Variants in TRPM2 observed in about 807,000 individuals in gnomAD.
TRPM2 encodes the protein estrogen-responsive element-associated gene 1 protein.
Under a neutral mutation model 174.0 loss-of-function variants are expected in TRPM2, and 161 were observed. The observed-to-expected ratio is 0.93, with a 90% CI of 0.81 to 1.05. TRPM2 has a LOEUF of 1.05. Ranked by LOEUF, TRPM2 falls within the 50% of genes least tolerant of loss-of-function variation. The probability of loss-of-function intolerance (pLI) is 0.00; values close to 1 mark genes in which losing one functional copy is unlikely to be tolerated. For synonymous variants in TRPM2, 954 were observed against 861.3 expected, an observed-to-expected ratio of 1.11 and a Z score of -1.88; for missense variants, 2,057 against 2,038.0, an observed-to-expected ratio of 1.01 and a Z score of -0.18.
At position 44,354,693 on chromosome 21, in the gene TRPM2, G is replaced by T. The variant is rs770494214; in HGVS notation, c.211G>T (p.Glu71Ter). 3.7e-6 allele frequency: 6 copies of T among 1,614,204 alleles called. No individual in the cohort carries two copies. In the East Asian group the frequency reaches 1.3e-4, roughly 36 times the overall value. ...GATTCCTGAAAACATCAAGAAGAAA[G>T]AATGCGTGTATTTTGTGGAAAGTTC... is the stretch of plus-strand genomic sequence containing the variant. Reference protein sequence around the residue: ...SWIPENIKKKECVYFVESSKL... With the variant: ...SWIPENIKKK Residue 71 changes from glutamate (E) to a stop codon, truncating the protein, a stop_gained, in exon 2 of 32, where the codon GAA becomes TAA. Coordinates refer to ENST00000397928, the MANE Select transcript of TRPM2 (RefSeq NM_003307.4). LOFTEE classifies it high-confidence loss of function. The surrounding 1 kb of genome is among the most constrained non-coding windows in gnomAD (Gnocchi z 4.3).
chr21:44,377,907 A>C, intron 7 of TRPM2, 134 bp downstream of exon 7: 1 of 1,057,104 alleles, frequency 9.5e-7, no homozygotes. Flanking sequence ...GAAGAAGAGA[A>C]AGAGCATCTA....
At chr21:44,431,195 C>T (rs2051009162) in intron 27 of TRPM2, among the ~76,000 whole-genome samples, 2 of 151,944 alleles carry the variant, frequency 1.3e-5, no homozygotes, top group Admixed American at 6.5e-5. Context: ...TGTAAATTCT[C>T]TCTAAGACCT....
chr21:44,418,392 G>C (rs1484841851), intron 21 of TRPM2, 31 bp from the exon 22 acceptor site: 1 of 1,608,462 alleles, frequency 6.2e-7, no homozygotes, highest in South Asian at 1.1e-5. Context: ...GAGGATTCCA[G>C]GTCCCCTGGT....
intron 27 of TRPM2, among the ~76,000 whole-genome samples, chr21:44,431,623 G>A (rs968683975): frequency 1.3e-5 from 2 of 152,034 alleles, no homozygotes; most frequent in Admixed American, 6.6e-5. Context: ...TTACAGGCAC[G>A]CACCACCATG....
intron 8 of TRPM2, among the ~76,000 whole-genome samples, chr21:44,380,492 A>G (rs2048847680): frequency 6.6e-6 from 1 of 152,182 alleles, no homozygotes; most frequent in African/African-American, 2.4e-5. Flanking sequence ...TGTTGTTGAA[A>G]GGTGCCTATT....
intron 2 of TRPM2, among the ~76,000 whole-genome samples, chr21:44,357,328 G>T (rs1385697121): frequency 3.3e-5 from 5 of 152,192 alleles, no homozygotes; most frequent in African/African-American, 1.2e-4. Context: ...GAGAGGAAGG[G>T]GTGCTGACCT....
intron 7 of TRPM2, 92 bp downstream of exon 7, chr21:44,377,865 T>C: frequency 7.0e-7 from 1 of 1,429,512 alleles, no homozygotes; most frequent in South Asian, 1.2e-5. Context: ...AACTCAAGAC[T>C]GTTGGCAAGA....
In TRPM2 at chr21:44,405,890, C is replaced by T; in HGVS notation, c.2658-15C>T. The T allele has an allele frequency of 1.3e-6, 2 of 1,598,078 alleles. No individual in the cohort carries two copies. Among genetic ancestry groups the T allele is most frequent in the Non-Finnish European group, 1.7e-6 (2 of 1,178,242 alleles). ...GCAGGTGGCTGAGATGTGTGTGCTT[C>T]TGCCCGGCGGCCAGGCTCATCCCGG... On this transcript the variant is annotated splice_polypyrimidine_tract_variant and intron_variant, in intron 17 of 31. Coordinates refer to ENST00000397928, the MANE Select transcript of TRPM2 (RefSeq NM_003307.4).
intron 19 of TRPM2, among the ~76,000 whole-genome samples, chr21:44,408,815 G>C (rs989098702): frequency 2.6e-5 from 4 of 151,770 alleles, no homozygotes; most frequent in African/African-American, 9.7e-5. Flanking sequence ...ACGCCACCAC[G>C]CCTGGCTAAT....
chr21:44,352,472 G>A (rs2123001688), upstream of TRPM2, among the ~76,000 whole-genome samples: 8 of 152,240 alleles, frequency 5.3e-5, no homozygotes, highest in South Asian at 2.1e-4. Context: ...ATGAGGGGAC[G>A]GCAGAGCAAA....
At position 44,418,546 on chromosome 21, in the gene TRPM2, T is replaced by C; in HGVS notation, c.3452T>C (p.Ile1151Thr). 6.2e-7 allele frequency: 1 copy of C among 1,613,946 alleles called. No individual in the cohort carries two copies. The highest frequency in any genetic ancestry group is 8.5e-7 in the Non-Finnish European group (1 of 1,179,968). ...KQRPEQKIED[I>T]SNKVDAMVDL... ...CGGCCCGAGCAGAAGATCGAGGACA[T>C]CAGCAATAAGTATGGGGGCTCCGGT... The change falls in exon 22 of 32, where the codon ATC becomes ACC. Residue 1151 changes from isoleucine (I) to threonine (T), a missense_variant. Transcript: ENST00000397928.
chr21:44,397,528 C>T (rs2049467237), intron 12 of TRPM2, among the ~76,000 whole-genome samples: 1 of 152,146 alleles, frequency 6.6e-6, no homozygotes, highest in Admixed American at 6.5e-5. Context: ...AAGCAGACCC[C>T]TCCCACAGGC....
chr21:44,415,666 C>T (rs1217708162), intron 20 of TRPM2: 1 of 152,182 alleles, frequency 6.6e-6, no homozygotes, highest in Non-Finnish European at 1.5e-5. Context: ...GCTGTTTCTT[C>T]TCTTTGAAAA....
intron 7 of TRPM2, 140 bp downstream of exon 7, chr21:44,377,913 A>AGCCCCGACACAGCGTAGATGC: frequency 9.8e-7 from 1 of 1,021,000 alleles, no homozygotes; most frequent in Non-Finnish European, 1.4e-6. Context: ...GAGAAAGAGC[A>AGCCCCGACACAGCGTAGATGC]TCTACGCTGT....
At chr21:44,385,018 T>C (rs552017688) in intron 9 of TRPM2, among the ~76,000 whole-genome samples, 10 of 152,202 alleles carry the variant, frequency 6.6e-5, no homozygotes, top group African/African-American at 2.4e-4. Flanking sequence ...ATTATGAACA[T>C]TGATACGAAA....
intron 7 of TRPM2, among the ~76,000 whole-genome samples, chr21:44,378,069 T>G (rs2048760323): frequency 6.6e-6 from 1 of 152,116 alleles, no homozygotes; most frequent in South Asian, 2.1e-4. Context: ...GCGCCTCTGC[T>G]CCCAGGACCT....
At chr21:44,440,956 T>C (rs756100342) in intron 31 of TRPM2, 51 bp downstream of exon 31, 1 of 1,531,366 alleles carries the variant, frequency 6.5e-7, no homozygotes. Context: ...GGGACGGGTA[T>C]GGGCGTGGCC....
intron 16 of TRPM2, among the ~76,000 whole-genome samples, chr21:44,403,508 A>G (rs2049704485): frequency 6.6e-6 from 1 of 151,524 alleles, no homozygotes; most frequent in Non-Finnish European, 1.5e-5. Flanking sequence ...ACATGCACAC[A>G]CATGTACACA....
At chr21:44,428,881 A>G (rs2050928779) in intron 27 of TRPM2, among the ~76,000 whole-genome samples, 1 of 152,192 alleles carries the variant, frequency 6.6e-6, no homozygotes. Flanking sequence ...AAAGCTCTGT[A>G]TGCCTCTGTC....
Sources: allele counts gnomAD v4.1 joint callset (sites outside exome capture counted in the v4.1 genomes callset), GRCh38; gene constraint gnomAD v4.1.1; non-coding constraint Gnocchi (gnomAD v3.1); transcripts MANE v1.5; gene names NCBI Gene and HGNC (gene_info 2026-07-23, HGNC 2026-07-21).